Variants in ZSWIM7 observed in about 807,000 individuals in gnomAD.
ZSWIM7 encodes zinc finger SWIM domain-containing protein 7.
ZSWIM7 carries 22 observed loss-of-function variants against 21.1 expected under a neutral mutation model. The ratio of observed to expected loss-of-function variants is 1.04; its 90% CI spans 0.74 to 1.49. The LOEUF is 1.49. ZSWIM7 is among the 40% of genes most tolerant of loss of function. ZSWIM7 has a pLI of 0.00. For synonymous variants in ZSWIM7, 67 were observed against 66.5 expected (o/e 1.01, Z -0.04); for missense variants, 193 against 168.0 (o/e 1.15, Z -0.82).
intron 3 of ZSWIM7, among the ~76,000 whole-genome samples, chr17:15,986,324 G>A (rs112754274): frequency 0.02 from 2,999 of 152,212 alleles, 36 homozygotes; most frequent in Non-Finnish European, 0.029. Flanking sequence ...GATTACAGGC[G>A]TGAGCCACCA....
intron 3 of ZSWIM7, among the ~76,000 whole-genome samples, chr17:15,984,045 C>T (rs1970384303): frequency 6.6e-6 from 1 of 152,120 alleles, no homozygotes; most frequent in African/African-American, 2.4e-5. Context: ...CTTCTTATTG[C>T]GAGTCCCCGT....
At chr17:15,980,677 C>G (rs1349742256) in intron 4 of ZSWIM7, among the ~76,000 whole-genome samples, 2 of 152,168 alleles carry the variant, frequency 1.3e-5, no homozygotes, top group Non-Finnish European at 2.9e-5. Flanking sequence ...ACAGGTAGTG[C>G]AAAGATATAC....
intron 2 of ZSWIM7, among the ~76,000 whole-genome samples, chr17:15,987,590 T>C (rs1409471233): frequency 6.6e-6 from 1 of 151,942 alleles, no homozygotes; most frequent in African/African-American, 2.4e-5. Flanking sequence ...TATATGTGTG[T>C]GTGTATATAT....
At chr17:15,978,948 T>TC (rs1491424531) in intron 4 of ZSWIM7, among the ~76,000 whole-genome samples, 2 of 125,532 alleles carry the variant, frequency 1.6e-5, no homozygotes, top group East Asian at 4.5e-4. Context: ...CTACTCTCTC[T>TC]TTTTTTTTTT....
intron 1 of ZSWIM7, 171 bp from the exon 2 acceptor site, chr17:15,993,949 T>C (rs932172268): frequency 3.9e-6 from 2 of 508,380 alleles, no homozygotes; most frequent in Middle Eastern, 2.9e-4. Flanking sequence ...AATAAAAGGA[T>C]TTCCTTTTTC....
intron 1 of ZSWIM7, 114 bp downstream of exon 1, chr17:15,999,405 T>C (rs886052624): frequency 1.5e-6 from 2 of 1,324,300 alleles, no homozygotes; most frequent in Non-Finnish European, 2.1e-6. Context: ...GAGAACCACA[T>C]GGAAAAAAGG....
intron 4 of ZSWIM7, 36 bp from the exon 5 acceptor site, chr17:15,978,199 G>C (rs776897105): frequency 1.0e-5 from 16 of 1,534,818 alleles, no homozygotes; most frequent in Non-Finnish European, 1.3e-5. Context: ...TTAGAAACAG[G>C]CAGGGCCAGG....
chr17:15,990,182 T>G (rs916883710), intron 2 of ZSWIM7, among the ~76,000 whole-genome samples: 2 of 139,912 alleles, frequency 1.4e-5, no homozygotes, highest in African/African-American at 5.4e-5. Context: ...ATCGCGCCAC[T>G]GCACTCTAGC....
At position 15,977,791 on chromosome 17, in the gene ZSWIM7, AT is replaced by A; in HGVS notation, c.*255del. The stretch of plus-strand genomic sequence containing the variant: ...TAAAATCTTGATTCCATCCAGGGAC[AT>A]TTTTTACCGAAGCGTCTCAGAGACT... On this transcript the variant is annotated 3_prime_UTR_variant, in exon 5 of 5. Coordinates refer to ENST00000399277, the MANE Select transcript of ZSWIM7 (RefSeq NM_001042697.2). 3.0e-6 allele frequency: 1 copy of A among 331,382 alleles called. No individual in the cohort carries two copies. Among genetic ancestry groups the A allele is most frequent in the Middle Eastern group, 9.2e-4 (1 of 1,092 alleles). The allele number at this position is 331,382 out of a possible 1,614,324, so 20.5% of individuals were successfully genotyped here. A position where few individuals can be genotyped will look rare whatever the true frequency, so the allele number is the denominator to read the frequency against.
At chr17:15,985,875 T>C (rs575232225) in intron 3 of ZSWIM7, among the ~76,000 whole-genome samples, 20 of 152,140 alleles carry the variant, frequency 1.3e-4, no homozygotes, top group Non-Finnish European at 2.6e-4. Flanking sequence ...TTTAGCTACC[T>C]AAAAACCAAA....
At chr17:15,989,255 T>G (rs1970452686) in intron 2 of ZSWIM7, among the ~76,000 whole-genome samples, 1 of 152,180 alleles carries the variant, frequency 6.6e-6, no homozygotes, top group African/African-American at 2.4e-5. Flanking sequence ...AATTATATTT[T>G]AGGAACTCTC....
At chr17:15,995,503 C>T (rs1365780561) in intron 1 of ZSWIM7, among the ~76,000 whole-genome samples, 1 of 150,294 alleles carries the variant, frequency 6.7e-6, no homozygotes, top group Non-Finnish European at 1.5e-5. Context: ...TTCAGATGAT[C>T]TGCCCACCTT....
At chr17:15,991,374 G>A (rs1486161152) in intron 2 of ZSWIM7, among the ~76,000 whole-genome samples, 2 of 151,888 alleles carry the variant, frequency 1.3e-5, no homozygotes, top group Non-Finnish European at 2.9e-5. Flanking sequence ...TTACTTCCTG[G>A]GTATATGTTC....
chr17:15,981,047 C>T lies in ZSWIM7; in HGVS notation c.299G>A (p.Ser100Asn). ...AGTCTTCCCCATCCTCACCAGGATGCTGTCACTCTTCCGTAGCACTGAGAA... is the reference window on the plus strand; with the variant it reads ...AGTCTTCCCCATCCTCACCAGGATGTTGTCACTCTTCCGTAGCACTGAGAA... The part of the protein sequence containing the change: ...FAFSVLRKSD[S>N]ILCKHLLAVY... Residue 100 changes from serine to asparagine, a missense_variant, in exon 4 of 5, where the codon AGC becomes AAC. By Grantham distance (46) the Ser-to-Asn change is conservative (BLOSUM62 1). Transcript: ENST00000399277. The T allele has an allele frequency of 6.2e-7, 1 of 1,612,264 alleles. No homozygotes were observed. The highest frequency in any genetic ancestry group is 1.1e-5 in the South Asian group (1 of 90,956).
intron 4 of ZSWIM7, among the ~76,000 whole-genome samples, chr17:15,979,607 C>T (rs1192127972): frequency 5.4e-5 from 8 of 147,556 alleles, no homozygotes; most frequent in African/African-American, 1.5e-4. Flanking sequence ...GGCGGCTGGC[C>T]AGGCGGGGGG....
intron 3 of ZSWIM7, chr17:15,987,020 G>C (rs927906333): frequency 3.2e-5 from 10 of 311,498 alleles, no homozygotes; most frequent in Non-Finnish European, 5.2e-5. Flanking sequence ...GCTTGATTTA[G>C]TTATTCTACA....
intron 2 of ZSWIM7, among the ~76,000 whole-genome samples, chr17:15,989,098 G>A (rs1444020657): frequency 2.0e-5 from 3 of 152,094 alleles, no homozygotes; most frequent in African/African-American, 7.2e-5. Flanking sequence ...AGTATTATCA[G>A]GCTTTTTTAT....
intron 2 of ZSWIM7, among the ~76,000 whole-genome samples, chr17:15,991,679 T>C (rs1970483434): frequency 6.6e-6 from 1 of 152,230 alleles, no homozygotes; most frequent in African/African-American, 2.4e-5. Context: ...TTAATTCTTA[T>C]TAAAAATTTA....
chr17:15,997,155 CAA>C (rs61144764), intron 1 of ZSWIM7, among the ~76,000 whole-genome samples: 12 of 114,958 alleles, frequency 1.0e-4, no homozygotes, highest in East Asian at 2.5e-4. Flanking sequence ...CAGACTGTCT[CAA>C]AAAAAAAAAA....
Sources: allele counts gnomAD v4.1 joint callset (sites outside exome capture counted in the v4.1 genomes callset), GRCh38; gene constraint gnomAD v4.1.1; transcripts MANE v1.5; gene names NCBI Gene and HGNC (gene_info 2026-07-23, HGNC 2026-07-21).